VAPB: variants seen among roughly 807,000 people sequenced by gnomAD.
VAPB encodes VAMP associated protein B and C.
A neutral mutation model predicts 25.6 loss-of-function variants in VAPB; 7 were observed. The ratio of observed to expected loss-of-function variants is 0.27; its 90% CI spans 0.16 to 0.51. The LOEUF (loss-of-function observed/expected upper bound fraction) is 0.51, where lower values mean the gene tolerates loss of function less well. Ranked by LOEUF, VAPB falls within the 20% of genes least tolerant of loss-of-function variation. The pLI is 0.97. For synonymous variants in VAPB, 112 were observed against 109.2 expected (o/e 1.03, Z -0.16); for missense variants, 266 against 301.3 (o/e 0.88, Z 0.87).
At chr20:58,390,859 T>TG (rs11481598) in intron 1 of VAPB, among the ~76,000 whole-genome samples, 32,432 of 152,144 alleles carry the variant, frequency 0.21, 3,974 homozygotes, top group African/African-American at 0.32. Context: ...GTCTGATCGC[T>TG]GGGAAATACT....
intron 1 of VAPB, among the ~76,000 whole-genome samples, chr20:58,415,246 C>T (rs377566351): frequency 1.6e-4 from 25 of 152,226 alleles, no homozygotes; most frequent in Admixed American, 7.9e-4. Context: ...ATAAATTATA[C>T]TGTGTTTAGC....
At position 58,450,381 on chromosome 20, in the gene VAPB, C is replaced by T. The variant is rs1461577547; in HGVS notation, c.*6146C>T. 3 of 453,842 alleles carry T rather than the reference C, an allele frequency of 6.6e-6. No individual in the cohort carries two copies. Among genetic ancestry groups the T allele is most frequent in the Admixed American group, 2.4e-5 (1 of 42,536 alleles). The allele number at this position is 453,842 out of a possible 1,614,324, so 28.1% of individuals were successfully genotyped here. The stretch of plus-strand genomic sequence containing the variant: ...CTGTTTGCTACTATATGAGGTGCTG[C>T]GAAATTAGTGGGCGTGGCTTTTTAT... On this transcript the variant is annotated 3_prime_UTR_variant, in exon 6 of 6. Coordinates refer to ENST00000475243, the MANE Select transcript of VAPB (RefSeq NM_004738.5).
intron 5 of VAPB, among the ~76,000 whole-genome samples, chr20:58,441,792 A>G (rs1391335669): frequency 1.3e-5 from 2 of 152,256 alleles, no homozygotes; most frequent in African/African-American, 4.8e-5. Context: ...ATACTGACCT[A>G]TACTCTGTTT....
In VAPB at chr20:58,450,853, A is replaced by G. The variant is rs1357266574; in HGVS notation, c.*6618A>G. 1 of 454,156 alleles carries G rather than the reference A, an allele frequency of 2.2e-6. No individual in the cohort carries two copies. Among genetic ancestry groups the G allele is most frequent in the East Asian group, 6.9e-5 (1 of 14,402 alleles). The allele number at this position is 454,156 out of a possible 1,614,324, so 28.1% of individuals were successfully genotyped here. ...GTAATTTAAAAAGTTGGTGCAGGAA[A>G]GGACTCTTTACTGTTGCACATTTTG... On this transcript the variant is annotated 3_prime_UTR_variant, in exon 6 of 6. Coordinates refer to ENST00000475243, the MANE Select transcript of VAPB (RefSeq NM_004738.5).
intron 2 of VAPB, among the ~76,000 whole-genome samples, chr20:58,420,638 G>A (rs1405090632): frequency 2.6e-5 from 4 of 152,188 alleles, no homozygotes; most frequent in Non-Finnish European, 5.9e-5. Context: ...GGGGGAAAAA[G>A]TAGTTGAATA....
chr20:58,432,147 C>G (rs909536554), intron 2 of VAPB, among the ~76,000 whole-genome samples: 14 of 152,084 alleles, frequency 9.2e-5, no homozygotes, highest in African/African-American at 3.1e-4. Flanking sequence ...CTTTTTTACT[C>G]CCACTGCCTC....
In VAPB at chr20:58,449,320, A is replaced by G. The variant is rs1989377496; in HGVS notation, c.*5085A>G. Reference sequence around the variant, plus strand: ...TTAACAATAGGGGCTTTTTATTTTCATTACAGAGATATTTTGAAAAATTTA... The same window carrying G: ...TTAACAATAGGGGCTTTTTATTTTCGTTACAGAGATATTTTGAAAAATTTA... On this transcript the variant is annotated 3_prime_UTR_variant, in exon 6 of 6. Transcript: ENST00000475243. 1 of 448,870 alleles carries G rather than the reference A, an allele frequency of 2.2e-6. No homozygotes were observed. Among genetic ancestry groups the G allele is most frequent in the Admixed American group, 2.4e-5 (1 of 41,268 alleles). 27.8% of individuals were successfully genotyped at this position (448,870 alleles called of 1,614,324 possible). A position where few individuals can be genotyped will look rare whatever the true frequency, so the allele number is the denominator to read the frequency against.
chr20:58,422,395 A>G (rs1462536773), intron 2 of VAPB, among the ~76,000 whole-genome samples: 1 of 152,240 alleles, frequency 6.6e-6, no homozygotes, highest in Non-Finnish European at 1.5e-5. Flanking sequence ...GATTGAAGAA[A>G]GGGAGGTTGG....
chr20:58,412,127 A>G (rs1255051128), intron 1 of VAPB, among the ~76,000 whole-genome samples: 2 of 152,136 alleles, frequency 1.3e-5, no homozygotes, highest in African/African-American at 4.8e-5. Flanking sequence ...AAGTCTAGCT[A>G]ATCAGTTATT....
chr20:58,416,538 G>A (rs76069705), intron 1 of VAPB, among the ~76,000 whole-genome samples: 2,361 of 116,972 alleles, frequency 0.02, 36 homozygotes, highest in South Asian at 0.048. Context: ...CACCAGTGTT[G>A]ATAGCAGACA....
chr20:58,442,652 G>T (rs1373089386), intron 5 of VAPB, among the ~76,000 whole-genome samples: 1 of 152,192 alleles, frequency 6.6e-6, no homozygotes, highest in African/African-American at 2.4e-5. Context: ...TTTACTGAGG[G>T]TCTAATATGT....
At chr20:58,399,146 C>A (rs1418240995) in intron 1 of VAPB, among the ~76,000 whole-genome samples, 2 of 151,926 alleles carry the variant, frequency 1.3e-5, no homozygotes, top group East Asian at 3.9e-4. Context: ...ACTAAAAATA[C>A]AAAAGTTAGC....
chr20:58,414,179 A>G (rs1341574907), intron 1 of VAPB, among the ~76,000 whole-genome samples: 1 of 78,210 alleles, frequency 1.3e-5, no homozygotes, highest in South Asian at 5.5e-4. Context: ...CGGGGGGCTG[A>G]CCCCCCACCT....
rs1218758155 is a variant in VAPB, at chr20:58,449,190, TA to T, written c.*4956del. 2 of 454,092 alleles carry T rather than the reference TA, an allele frequency of 4.4e-6. No homozygotes were observed. The highest frequency in any genetic ancestry group is 4.0e-5 in the African/African-American group (2 of 50,120). 28.1% of individuals were successfully genotyped at this position (454,092 alleles called of 1,614,324 possible). A position where few individuals can be genotyped will look rare whatever the true frequency, so the allele number is the denominator to read the frequency against. ...TCTTCCTCCAGCCTCTGAATCCCAT[TA>T]GCCACAGCCTAGAACATTAGCTGAG... On this transcript the variant is annotated 3_prime_UTR_variant, in exon 6 of 6. Transcript: ENST00000475243.
rs776121322 is a variant in VAPB, at chr20:58,450,087, G to A, written c.*5852G>A. The stretch of plus-strand genomic sequence containing the variant: ...TGCACGTTTCACACGTTGACTTGCC[G>A]GTTTTTCCATGTCATACAAAAAAGT... On this transcript the variant is annotated 3_prime_UTR_variant, in exon 6 of 6. Coordinates refer to ENST00000475243, the MANE Select transcript of VAPB (RefSeq NM_004738.5). The A allele has an allele frequency of 2.0e-5, 9 of 453,902 alleles. No individual in the cohort carries two copies. The highest frequency in any genetic ancestry group is 7.1e-5 in the Admixed American group (3 of 42,540). 28.1% of individuals were successfully genotyped at this position (453,902 alleles called of 1,614,324 possible). A position where few individuals can be genotyped will look rare whatever the true frequency, so the allele number is the denominator to read the frequency against.
At chr20:58,400,698 A>G (rs566071710) in intron 1 of VAPB, among the ~76,000 whole-genome samples, 70 of 152,306 alleles carry the variant, frequency 4.6e-4, no homozygotes, top group African/African-American at 1.5e-3. Flanking sequence ...AAAGAAGGAT[A>G]CAACCCTGGA....
chr20:58,420,046 C>T (rs773484667), intron 2 of VAPB, among the ~76,000 whole-genome samples: 4 of 151,880 alleles, frequency 2.6e-5, no homozygotes, highest in African/African-American at 9.7e-5. Flanking sequence ...AGTGCAGTGG[C>T]GCGATCTCTG....
intron 1 of VAPB, among the ~76,000 whole-genome samples, chr20:58,409,585 G>C (rs978603183): frequency 1.3e-5 from 2 of 152,138 alleles, no homozygotes; most frequent in African/African-American, 2.4e-5. Flanking sequence ...TGGAGAGGCT[G>C]TGAAAAGGAG....
Position 58,450,604 on chromosome 20 carries a change from T to A in VAPB, c.*6369T>A, listed in dbSNP as rs1251593832. 2.2e-6 allele frequency: 1 copy of A among 454,162 alleles called. No individual in the cohort carries two copies. The highest frequency in any genetic ancestry group is 2.3e-5 in the Admixed American group (1 of 42,582). The allele number at this position is 454,162 out of a possible 1,614,324, so 28.1% of individuals were successfully genotyped here. A position where few individuals can be genotyped will look rare whatever the true frequency, so the allele number is the denominator to read the frequency against. On this transcript the variant is annotated 3_prime_UTR_variant, in exon 6 of 6. Transcript: ENST00000475243. ...TGTTCCTTTCGCCTTTCCTCTGCTT[T>A]CTGAATAAATGGTTTCAGTAACCCA...
Sources: allele counts gnomAD v4.1 joint callset (sites outside exome capture counted in the v4.1 genomes callset), GRCh38; gene constraint gnomAD v4.1.1; transcripts MANE v1.5; gene names NCBI Gene and HGNC (gene_info 2026-07-23, HGNC 2026-07-21).